Variants in MUC5AC observed in about 807,000 individuals in gnomAD.
MUC5AC encodes mucin 5AC, oligomeric mucus/gel-forming, also known as mucin-5AC.
MUC5AC carries 158 observed loss-of-function variants against 169.7 expected under a neutral mutation model. That is an observed-to-expected ratio of 0.93 (90% CI 0.82 to 1.06). The LOEUF is 1.06. MUC5AC is among the 50% of genes least tolerant of loss of function. MUC5AC has a pLI of 0.00. For synonymous variants in MUC5AC, 1,975 were observed against 1,237.0 expected, an observed-to-expected ratio of 1.60 and a Z score of -12.52; for missense variants, 4,359 against 3,089.9, an observed-to-expected ratio of 1.41 and a Z score of -9.74.
At chr11:1,177,920 C>T (rs961744756) in intron 24 of MUC5AC, among the ~76,000 whole-genome samples, 15 of 50,430 alleles carry the variant, frequency 3.0e-4, no homozygotes, top group Admixed American at 2.4e-3. Context: ...CGAACTCTTT[C>T]AGAAGGCTCT....
At position 1,192,774 on chromosome 11, in the gene MUC5AC, C is replaced by T; in HGVS notation, c.14381-9C>T. ...CCACTAAAGGCTGCCATGTCCCTTC[C>T]TCTTACAGGATCCACCATATACCGC... On this transcript the variant is annotated splice_polypyrimidine_tract_variant and intron_variant, in intron 31 of 48. Coordinates refer to ENST00000621226, the MANE Select transcript of MUC5AC (RefSeq NM_001304359.2). The T allele has an allele frequency of 1.3e-6, 1 of 752,288 alleles. No individual in the cohort carries two copies. Among genetic ancestry groups the T allele is most frequent in the African/African-American group, 1.7e-5 (1 of 58,978 alleles). 46.6% of individuals were successfully genotyped at this position (752,288 alleles called of 1,614,324 possible). A position where few individuals can be genotyped will look rare whatever the true frequency, so the allele number is the denominator to read the frequency against.
intron 36 of MUC5AC, 131 bp downstream of exon 36, chr11:1,195,410 C>A: frequency 1.6e-6 from 1 of 636,870 alleles, no homozygotes. Context: ...GTACCACAGA[C>A]CAAGGAGGGG....
At position 1,165,322 on chromosome 11, in the gene MUC5AC, G is replaced by A. The variant is rs756088411; in HGVS notation, c.1150G>A (p.Gly384Ser). Residue 384 changes from glycine to serine, a missense_variant, in exon 10 of 49, where the codon GGC (glycine) becomes AGC (serine). Physicochemically the swap from Gly to Ser is moderately conservative, Grantham distance 56. Transcript: ENST00000621226. ...CPEGTVLDDI[G>S]QTGCVPVSKC... ...TGCAGGGACGGTGCTTGACGACATC[G>A]GCCAGACCGGCTGTGTCCCTGTGTC... is the stretch of plus-strand genomic sequence containing the variant. The A allele has an allele frequency of 2.2e-5, 36 of 1,612,074 alleles. No individual in the cohort carries two copies. The highest frequency in any genetic ancestry group is 8.3e-5 in the Admixed American group (5 of 59,996).
In MUC5AC at chr11:1,194,972, T is replaced by C. The variant is rs1288512639; in HGVS notation, c.15191-40T>C. ...CCAGCTGGGGGTGGGGCCAGCCGGC[T>C]CTGCTGTCCAGCAGCCTGACCCCCA... On this transcript the variant is annotated intron_variant, in intron 35 of 48. Transcript: ENST00000621226. The C allele has an allele frequency of 2.3e-5, 16 of 683,678 alleles. No individual in the cohort carries two copies. The East Asian group carries it at 4.0e-4, about 17-fold the overall frequency. The allele number at this position is 683,678 out of a possible 1,614,324, so 42.4% of individuals were successfully genotyped here. A position where few individuals can be genotyped will look rare whatever the true frequency, so the allele number is the denominator to read the frequency against.
chr11:1,199,719 G>C lies in MUC5AC; in HGVS notation c.16540G>C (p.Gly5514Arg), dbSNP rs180671641. ...SLDEARMSKD[G>R]CCRFCPPPPP... ...GGACGAGGCCCGCATGAGCAAGGACGGCTGCTGCCGCTTCTGCCCGCCGCC... is the reference window on the plus strand; with the variant it reads ...GGACGAGGCCCGCATGAGCAAGGACCGCTGCTGCCGCTTCTGCCCGCCGCC... The change falls in exon 47 of 49, where the codon GGC becomes CGC. Residue 5514 changes from glycine to arginine, a missense_variant. Physicochemically the swap from Gly to Arg is moderately radical, Grantham distance 125. Transcript: ENST00000621226. The C allele has an allele frequency of 1.5e-5, 11 of 711,884 alleles. No homozygotes were observed. The highest frequency in any genetic ancestry group is 2.8e-5 in the Non-Finnish European group (11 of 390,648). The allele number at this position is 711,884 out of a possible 1,614,324, so 44.1% of individuals were successfully genotyped here. A position where few individuals can be genotyped will look rare whatever the true frequency, so the allele number is the denominator to read the frequency against.
intron 6 of MUC5AC, 91 bp from the exon 7 acceptor site, chr11:1,163,791 A>T: frequency 9.6e-7 from 1 of 1,036,826 alleles, no homozygotes; most frequent in Non-Finnish European, 1.5e-6. Flanking sequence ...ACCCCACCCC[A>T]GGGACCCGGC....
At chr11:1,198,839 AGCTCATGAGTGTCT>A (rs1564921391) in intron 43 of MUC5AC, 21 bp from the exon 44 acceptor site, 3 of 704,562 alleles carry the variant, frequency 4.3e-6, no homozygotes. Flanking sequence ...CCAGGGCCCA[AGCTCATGAGTGTCT>A]GCTGCCCTGG....
At chr11:1,196,836 G>T in intron 39 of MUC5AC, 41 bp from the exon 40 acceptor site, 1 of 758,240 alleles carries the variant, frequency 1.3e-6, no homozygotes, top group Non-Finnish European at 2.4e-6. Flanking sequence ...CCCCTATTGT[G>T]GTGGCTGACC....
Position 1,190,664 on chromosome 11 carries a change from T to C in MUC5AC, c.12519T>C (p.Pro4173=), listed in dbSNP as rs1861066802. 1 of 693,528 alleles carries C rather than the reference T, an allele frequency of 1.4e-6. No homozygotes were observed. Among genetic ancestry groups the C allele is most frequent in the Non-Finnish European group, 2.6e-6 (1 of 380,038 alleles). The allele number at this position is 693,528 out of a possible 1,614,324, so 43.0% of individuals were successfully genotyped here. ...SAPTTSTNSA[P]TTSTISASTT... Reference sequence around the variant, plus strand: ...CAACAACCAGCACAAACTCTGCTCCTACAACCAGCACAATCTCTGCCTCTA... The same window carrying C: ...CAACAACCAGCACAAACTCTGCTCCCACAACCAGCACAATCTCTGCCTCTA... The change falls in exon 31 of 49, where the codon CCT becomes CCC. Residue 4173 remains proline (P), a synonymous_variant. Transcript: ENST00000621226.
At position 1,194,167 on chromosome 11, in the gene MUC5AC, C is replaced by T; in HGVS notation, c.14813C>T (p.Thr4938Ile). ...ATCACCTTCGACGGCACCTACTACA[C>T]CTTCCTGGACAACTGCACGTACGTG... ...HYITFDGTYYTFLDNCTYVLV... is the reference protein window; with the variant it reads ...HYITFDGTYYIFLDNCTYVLV... The change falls in exon 34 of 49, where the codon ACC becomes ATC. Residue 4938 changes from threonine (T) to isoleucine (I), a missense_variant. Coordinates refer to ENST00000621226, the MANE Select transcript of MUC5AC (RefSeq NM_001304359.2). 6 of 765,106 alleles carry T rather than the reference C, an allele frequency of 7.8e-6. No homozygotes were observed. Among genetic ancestry groups the T allele is most frequent in the Non-Finnish European group, 1.4e-5 (6 of 417,880 alleles). The allele number at this position is 765,106 out of a possible 1,614,324, so 47.4% of individuals were successfully genotyped here.
At position 1,183,791 on chromosome 11, in the gene MUC5AC, C is replaced by T. The variant is rs2133754111; in HGVS notation, c.5646C>T (p.Pro1882=). 1 of 438,734 alleles carries T rather than the reference C, an allele frequency of 2.3e-6. No individual in the cohort carries two copies. Among genetic ancestry groups the T allele is most frequent in the Non-Finnish European group, 4.0e-6 (1 of 252,132 alleles). The allele number at this position is 438,734 out of a possible 1,614,324, so 27.2% of individuals were successfully genotyped here. The part of the protein sequence containing the change: ...TETQASGSSA[P]SSTPGTVSLS... The stretch of plus-strand genomic sequence containing the variant: ...CCCAGGCCTCAGGCTCCTCAGCCCC[C>T]AGCAGCACACCTGGCACCGTGTCTC... The change falls in exon 31 of 49, where the codon CCC becomes CCT. Residue 1882 remains proline, a synonymous_variant. Coordinates refer to ENST00000621226, the MANE Select transcript of MUC5AC (RefSeq NM_001304359.2).
intron 39 of MUC5AC, 77 bp from the exon 40 acceptor site, chr11:1,196,800 G>A: frequency 1.4e-6 from 1 of 737,872 alleles, no homozygotes; most frequent in South Asian, 1.4e-5. Flanking sequence ...GTCTACCCTG[G>A]CCCCAATATG....
At position 1,184,994 on chromosome 11, in the gene MUC5AC, A is replaced by T. The variant is rs1206203001; in HGVS notation, c.6849A>T (p.Arg2283Ser). The part of the protein sequence containing the change: ...TTSTTSAPTA[R>S]TTSAPTTRTT... The stretch of plus-strand genomic sequence containing the variant: ...GCACAACCTCTGCTCCTACAGCCAG[A>T]ACAACCTCTGCTCCTACAACCAGAA... Residue 2283 changes from arginine to serine, a missense_variant, in exon 31 of 49, where the codon AGA (arginine) becomes AGT (serine). Physicochemically the swap from Arg to Ser is moderately radical, Grantham distance 110. Coordinates refer to ENST00000621226, the MANE Select transcript of MUC5AC (RefSeq NM_001304359.2). 2.1e-5 allele frequency: 8 copies of T among 375,576 alleles called. No individual in the cohort carries two copies. The highest frequency in any genetic ancestry group is 3.2e-5 in the Non-Finnish European group (7 of 216,876). The allele number at this position is 375,576 out of a possible 1,614,324, so 23.3% of individuals were successfully genotyped here. A position where few individuals can be genotyped will look rare whatever the true frequency, so the allele number is the denominator to read the frequency against.
At chr11:1,170,888 CCTCA>C (rs1213010406) in intron 15 of MUC5AC, among the ~76,000 whole-genome samples, 1 of 143,870 alleles carries the variant, frequency 7.0e-6, no homozygotes, top group Non-Finnish European at 1.5e-5. Flanking sequence ...CACTCACTCA[CCTCA>C]CTCACTCACC....
chr11:1,182,168 G>T lies in MUC5AC; in HGVS notation c.4023G>T (p.Thr1341=). 1 of 398,618 alleles carries T rather than the reference G, an allele frequency of 2.5e-6. No individual in the cohort carries two copies. The highest frequency in any genetic ancestry group is 4.4e-6 in the Non-Finnish European group (1 of 226,102). The allele number at this position is 398,618 out of a possible 1,614,324, so 24.7% of individuals were successfully genotyped here. A position where few individuals can be genotyped will look rare whatever the true frequency, so the allele number is the denominator to read the frequency against. ...TTCTGCCCACAGTCGTGAGCTCCAC[G>T]CACACCCCCAGCAATGGCCCAAGCA... is the stretch of plus-strand genomic sequence containing the variant. ...FSTPPLVVSS[T]HTPSNGPSSA... The change falls in exon 31 of 49, where the codon ACG becomes ACT. Residue 1341 remains threonine, a synonymous_variant. Coordinates refer to ENST00000621226, the MANE Select transcript of MUC5AC (RefSeq NM_001304359.2).
intron 33 of MUC5AC, among the ~76,000 whole-genome samples, chr11:1,193,872 C>G (rs953138505): frequency 6.6e-6 from 1 of 152,254 alleles, no homozygotes. Context: ...TCGGAGCAGC[C>G]TGGCTGGAGA....
At chr11:1,198,819 G>T (rs1861348351) in intron 43 of MUC5AC, 55 bp from the exon 44 acceptor site, 1 of 687,488 alleles carries the variant, frequency 1.5e-6, no homozygotes, top group African/African-American at 1.7e-5. Context: ...GGAGGCAGGG[G>T]CGGGTCTCCC....
Position 1,193,645 on chromosome 11 carries a change from A to G in MUC5AC, c.14741A>G (p.His4914Arg). 1 of 765,004 alleles carries G rather than the reference A, an allele frequency of 1.3e-6. No individual in the cohort carries two copies. The highest frequency in any genetic ancestry group is 1.3e-5 in the South Asian group (1 of 74,628). 47.4% of individuals were successfully genotyped at this position (765,004 alleles called of 1,614,324 possible). The change falls in exon 33 of 49, where the codon CAC (histidine) becomes CGC (arginine). Residue 4914 changes from histidine (H) to arginine (R), a missense_variant. Physicochemically the swap from His to Arg is conservative, Grantham distance 29 (BLOSUM62 0). Coordinates refer to ENST00000621226, the MANE Select transcript of MUC5AC (RefSeq NM_001304359.2). ...KVADQDGCCHHYQCQCVCSGW... is the reference protein window; with the variant it reads ...KVADQDGCCHRYQCQCVCSGW... Reference sequence around the variant, plus strand: ...GCTGACCAAGATGGCTGCTGCCATCACTACCAGTGCCAGTGTGAGTGGAGC... The same window carrying G: ...GCTGACCAAGATGGCTGCTGCCATCGCTACCAGTGCCAGTGTGAGTGGAGC...
intron 20 of MUC5AC, 31 bp from the exon 21 acceptor site, chr11:1,176,483 C>T: frequency 2.5e-6 from 1 of 398,900 alleles, no homozygotes; most frequent in East Asian, 3.6e-5. Flanking sequence ...TGCCCTGCCC[C>T]ATCACTCAGT....
Sources: allele counts gnomAD v4.1 joint callset (sites outside exome capture counted in the v4.1 genomes callset), GRCh38; gene constraint gnomAD v4.1.1; transcripts MANE v1.5; gene names NCBI Gene and HGNC (gene_info 2026-07-23, HGNC 2026-07-21).